Variants in ZNF254 observed in about 807,000 individuals in gnomAD.
The protein encoded by ZNF254 is zinc finger protein 254, also known as CTD-2017D11.1.
In ZNF254, 10 loss-of-function variants were observed where a neutral mutation model predicts 12.4. That is an observed-to-expected ratio of 0.80 (90% CI 0.50 to 1.36). ZNF254 has a LOEUF of 1.36. Ranked by LOEUF, ZNF254 falls within the 40% of genes most tolerant of loss-of-function variation. The probability of loss-of-function intolerance (pLI) is 0.00; values close to 1 mark genes in which losing one functional copy is unlikely to be tolerated. For missense variants in ZNF254, 996 were observed against 763.9 expected (o/e 1.30, Z -3.58); for synonymous variants, 305 against 253.4 (o/e 1.20, Z -1.93).
At chr19:24,091,353 G>A (rs908786509) in intron 1 of ZNF254, among the ~76,000 whole-genome samples, 5 of 151,382 alleles carry the variant, frequency 3.3e-5, no homozygotes, top group African/African-American at 1.2e-4. Context: ...TTCAGCTGTA[G>A]ACAATGAATA....
upstream of ZNF254, among the ~76,000 whole-genome samples, chr19:24,084,552 AAAT>A (rs922578500): frequency 9.5e-4 from 144 of 151,912 alleles, 1 homozygote; most frequent in African/African-American, 3.4e-3. Flanking sequence ...AAAACTTTGG[AAAT>A]AATAATAATA....
At chr19:24,069,829 G>A (rs1953652638) in intron 2 of ZNF254, among the ~76,000 whole-genome samples, 1 of 148,364 alleles carries the variant, frequency 6.7e-6, no homozygotes, top group Non-Finnish European at 1.5e-5. Context: ...GCACATGCCT[G>A]TAGTCCCAGC....
At chr19:24,045,708 G>A (rs917627671) in intron 1 of ZNF254, among the ~76,000 whole-genome samples, 1 of 150,166 alleles carries the variant, frequency 6.7e-6, no homozygotes, top group East Asian at 1.9e-4. Flanking sequence ...CCCCTTCTTC[G>A]GGGCCGAGAG....
chr19:24,127,137 A>T lies in ZNF254; in HGVS notation c.1137A>T (p.Lys379Asn), dbSNP rs947075483. The change falls in exon 4 of 4, where the codon AAA (lysine) becomes AAT (asparagine). Residue 379 changes from lysine (K) to asparagine (N), a missense_variant. Transcript: ENST00000357002. ...TTCATACTGGAGAGAAACGCTACAAATGCTTAGAATGTGGCAAAGCTTTTA... is the reference window on the plus strand; with the variant it reads ...TTCATACTGGAGAGAAACGCTACAATTGCTTAGAATGTGGCAAAGCTTTTA... ...KIIHTGEKRY[K>N]CLECGKAFKQ... The T allele has an allele frequency of 6.2e-7, 1 of 1,613,400 alleles. No homozygotes were observed. The highest frequency in any genetic ancestry group is 1.1e-5 in the South Asian group (1 of 91,056).
At chr19:24,091,868 T>C in intron 1 of ZNF254, 1 of 978,076 alleles carries the variant, frequency 1.0e-6, no homozygotes, top group Non-Finnish European at 1.2e-6. Context: ...CTAGAAGTGT[T>C]CCTATGTGAT....
chr19:24,113,385 A>G (rs1013384029), intron 3 of ZNF254, among the ~76,000 whole-genome samples: 17 of 152,206 alleles, frequency 1.1e-4, no homozygotes, highest in Non-Finnish European at 8.8e-5. Flanking sequence ...ATATATGCCA[A>G]TTAATCAATA....
At chr19:24,114,076 C>G (rs1973880756) in intron 3 of ZNF254, among the ~76,000 whole-genome samples, 1 of 151,520 alleles carries the variant, frequency 6.6e-6, no homozygotes, top group African/African-American at 2.4e-5. Flanking sequence ...TAGGAAGAAT[C>G]AATATCATGA....
chr19:24,073,200 C>A (rs1352663988), intron 2 of ZNF254, among the ~76,000 whole-genome samples: 1 of 152,158 alleles, frequency 6.6e-6, no homozygotes, highest in Non-Finnish European at 1.5e-5. Flanking sequence ...TCACCCTGAC[C>A]CATGGACAGT....
At chr19:24,035,500 G>GT (rs1232088359) in intron 1 of ZNF254, among the ~76,000 whole-genome samples, 1 of 152,020 alleles carries the variant, frequency 6.6e-6, no homozygotes, top group Non-Finnish European at 1.5e-5. Flanking sequence ...GCCGAGTGCG[G>GT]TATTTTTAAT....
rs375542329 is a variant in ZNF254 at position 24,087,300 on chromosome 19, C to T, written c.-8C>T. The T allele has an allele frequency of 1.1e-5, 18 of 1,613,434 alleles. No individual in the cohort carries two copies. In the African/African-American group the frequency reaches 2.1e-4, roughly 19 times the overall value. On this transcript the variant is annotated 5_prime_UTR_variant, in exon 1 of 4. Transcript: ENST00000357002. ...GTTACCAGCAGGTATTGGAGATCCA[C>T]AGCTAAGATGCCAGGACCCCCTAGA...
At chr19:24,116,760 AAG>A (rs1166874936) in intron 3 of ZNF254, among the ~76,000 whole-genome samples, 1 of 152,120 alleles carries the variant, frequency 6.6e-6, no homozygotes, top group African/African-American at 2.4e-5. Context: ...CCTTTGGAGG[AAG>A]AGAGGTGCTC....
chr19:24,085,422 A>ATC (rs1971995045), upstream of ZNF254, among the ~76,000 whole-genome samples: 2 of 133,652 alleles, frequency 1.5e-5, 1 homozygote, highest in Non-Finnish European at 3.2e-5. Flanking sequence ...ATATATATAT[A>ATC]TATAAAAACT....
intron 2 of ZNF254, among the ~76,000 whole-genome samples, chr19:24,046,797 C>CT (rs1970407212): frequency 6.6e-6 from 1 of 151,908 alleles, no homozygotes; most frequent in African/African-American, 2.4e-5. Context: ...GGAGGCTTCA[C>CT]CCAGTGCTGA....
Position 24,121,542 on chromosome 19 carries a change from G to A in ZNF254, c.254-4712G>A, listed in dbSNP as rs114575292. 5.9e-3 allele frequency among the ~76,000 whole-genome samples: 900 copies of A among 152,068 alleles called. 4 individuals carry two copies. Among genetic ancestry groups the A allele is most frequent in the Middle Eastern group, 0.024 (7 of 294 alleles). On this transcript the variant is annotated intron_variant, in intron 3 of 3. Coordinates refer to ENST00000357002, the MANE Select transcript of ZNF254 (RefSeq NM_203282.4). ...TAGAATTATATCTGTTTGTTTGCCT[G>A]TATAAATGTTATCTTTTTTAAATTT...
At chr19:24,069,643 T>C in intron 2 of ZNF254, among the ~76,000 whole-genome samples, 1 of 134,310 alleles carries the variant, frequency 7.4e-6, no homozygotes, top group African/African-American at 2.8e-5. Context: ...TTCTGCCAGG[T>C]GTGGTGGCTC....
chr19:24,049,212 ATATTT>A (rs1381148347), intron 2 of ZNF254, among the ~76,000 whole-genome samples: 8 of 42,250 alleles, frequency 1.9e-4, no homozygotes, highest in Non-Finnish European at 3.4e-4. Context: ...ATATATATAT[ATATTT>A]TTTTTTTTTT....
chr19:24,126,800 A>T lies in ZNF254; in HGVS notation c.800A>T (p.Lys267Ile). 1 of 1,613,216 alleles carries T rather than the reference A, an allele frequency of 6.2e-7. No individual in the cohort carries two copies. The highest frequency in any genetic ancestry group is 8.5e-7 in the Non-Finnish European group (1 of 1,179,700). ...EIIHAGEKLYKCEECGEAFNR... is the reference protein window; with the variant it reads ...EIIHAGEKLYICEECGEAFNR... ...ATTCATGCTGGAGAGAAACTCTACAAATGTGAAGAATGTGGTGAAGCTTTT... is the reference window on the plus strand; with the variant it reads ...ATTCATGCTGGAGAGAAACTCTACATATGTGAAGAATGTGGTGAAGCTTTT... Residue 267 changes from lysine to isoleucine, a missense_variant, in exon 4 of 4, where the codon AAA (lysine) becomes ATA (isoleucine). Lys to Ile is a moderately radical substitution (Grantham distance 102). Transcript: ENST00000357002.
At chr19:24,117,901 C>G (rs572200050) in intron 3 of ZNF254, among the ~76,000 whole-genome samples, 45 of 151,876 alleles carry the variant, frequency 3.0e-4, no homozygotes, top group African/African-American at 1.1e-3. Flanking sequence ...TCTTCAAGGT[C>G]TTTTGTTGCA....
chr19:24,090,171 C>T (rs1468767866), intron 1 of ZNF254, among the ~76,000 whole-genome samples: 1 of 152,050 alleles, frequency 6.6e-6, no homozygotes, highest in Non-Finnish European at 1.5e-5. Flanking sequence ...GCACTCCAGC[C>T]TGGGCGACAG....
Sources: gnomAD v4.1 joint callset for allele counts (sites outside exome capture counted in the v4.1 genomes callset) on GRCh38, gnomAD v4.1.1 for gene constraint, MANE v1.5 for transcripts, NCBI Gene and HGNC (gene_info 2026-07-23, HGNC 2026-07-21) for gene names.